The following PTPN4 variants were observed in gnomAD, a reference collection of about 807,000 sequenced individuals.
PTPN4 encodes the protein tyrosine-protein phosphatase non-receptor type 4.
PTPN4 carries 49 observed loss-of-function variants against 135.5 expected under a neutral mutation model. The ratio of observed to expected loss-of-function variants is 0.36; its 90% confidence interval spans 0.29 to 0.46. The LOEUF is 0.46. PTPN4 is among the 20% of genes least tolerant of loss of function. The pLI is 1.00. For missense variants in PTPN4, 860 were observed against 1,101.0 expected, an observed-to-expected ratio of 0.78 and a Z score of 3.10; for synonymous variants, 333 against 369.9, an observed-to-expected ratio of 0.90 and a Z score of 1.14.
intron 10 of PTPN4, among the ~76,000 whole-genome samples, chr2:119,904,905 C>T (rs1678462639): frequency 2.0e-5 from 3 of 151,426 alleles, no homozygotes; most frequent in Admixed American, 6.6e-5. Flanking sequence ...TAAGGGAGTC[C>T]CTACATCTGG....
chr2:119,773,023 C>A (rs1690762173), intron 1 of PTPN4, among the ~76,000 whole-genome samples: 1 of 152,110 alleles, frequency 6.6e-6, no homozygotes. Flanking sequence ...AGAACTGAAC[C>A]ACCAACTTCC....
At chr2:119,862,245 G>A (rs1677771710) in intron 2 of PTPN4, among the ~76,000 whole-genome samples, 1 of 152,126 alleles carries the variant, frequency 6.6e-6, no homozygotes, top group Non-Finnish European at 1.5e-5. Flanking sequence ...TTCTAAAAGT[G>A]CTGTGTCACA....
intron 19 of PTPN4, among the ~76,000 whole-genome samples, chr2:119,953,299 A>G (rs146186070): frequency 0.012 from 1,810 of 152,302 alleles, 17 homozygotes; most frequent in Non-Finnish European, 0.017. Flanking sequence ...TTCGAATTCT[A>G]CTTGTCACCA....
rs902524480 is a variant in PTPN4 at position 119,977,877 on chromosome 2, T to C, written c.*807T>C. The C allele has an allele frequency of 2.0e-5, 3 of 152,156 alleles. No individual in the cohort carries two copies. The highest frequency in any genetic ancestry group is 2.9e-5 in the Non-Finnish European group (2 of 68,004). The allele number at this position is 152,156 out of a possible 1,614,324, so 9.4% of individuals were successfully genotyped here. Reference sequence around the variant, plus strand: ...CGAAAAGGCACTCATTTGACCCCACTAGGAGGTATATATGTATATTGTACA... The same window carrying C: ...CGAAAAGGCACTCATTTGACCCCACCAGGAGGTATATATGTATATTGTACA... On this transcript the variant is annotated 3_prime_UTR_variant, in exon 27 of 27. Transcript: ENST00000263708.
At chr2:119,879,603 T>C (rs1678040669) in intron 5 of PTPN4, among the ~76,000 whole-genome samples, 1 of 152,228 alleles carries the variant, frequency 6.6e-6, no homozygotes, top group Non-Finnish European at 1.5e-5. Context: ...AGATGGGACC[T>C]GAGCATAGGC....
At chr2:119,853,765 T>C (rs976365966) in intron 2 of PTPN4, among the ~76,000 whole-genome samples, 2 of 152,224 alleles carry the variant, frequency 1.3e-5, no homozygotes, top group Non-Finnish European at 2.9e-5. Context: ...ATTTCATTAC[T>C]CTTTCTTCTT....
intron 2 of PTPN4, among the ~76,000 whole-genome samples, chr2:119,816,757 A>G (rs1363207797): frequency 6.6e-6 from 1 of 152,182 alleles, no homozygotes; most frequent in African/African-American, 2.4e-5. Flanking sequence ...TTCAGAAAAC[A>G]CTGCTTCATA....
Position 119,978,333 on chromosome 2 carries a change from A to C in PTPN4, c.*1263A>C, listed in dbSNP as rs1405106597. ...TTTCAGTTAATATCAAGCTTTGTTC[A>C]CACTGATATATTGATTGGGATTCTT... On this transcript the variant is annotated 3_prime_UTR_variant, in exon 27 of 27. Transcript: ENST00000263708. 6.6e-6 allele frequency: 1 copy of C among 152,178 alleles called. No homozygotes were observed. The highest frequency in any genetic ancestry group is 1.5e-5 in the Non-Finnish European group (1 of 68,018). 9.4% of individuals were successfully genotyped at this position (152,178 alleles called of 1,614,324 possible).
At chr2:119,940,419 T>C (rs1679043701) in intron 15 of PTPN4, among the ~76,000 whole-genome samples, 1 of 152,230 alleles carries the variant, frequency 6.6e-6, no homozygotes, top group Non-Finnish European at 1.5e-5. Context: ...TATAGTTAAA[T>C]AAGACATGTT....
At chr2:119,946,702 C>A in intron 18 of PTPN4, 128 bp downstream of exon 18, 1 of 756,490 alleles carries the variant, frequency 1.3e-6, no homozygotes, top group Non-Finnish European at 2.1e-6. Context: ...CAAATGTTGG[C>A]TGAATCTCTT....
intron 1 of PTPN4, among the ~76,000 whole-genome samples, chr2:119,765,475 G>A (rs896958882): frequency 1.3e-5 from 2 of 151,918 alleles, no homozygotes; most frequent in African/African-American, 2.4e-5. Flanking sequence ...TTCTTGTTTT[G>A]GGAAGAAAAA....
Position 119,926,997 on chromosome 2 carries a change from T to C in PTPN4, c.1070+331T>C, listed in dbSNP as rs1324053935. Among the ~76,000 whole-genome samples the C allele has an allele frequency of 2.6e-5, 4 of 152,114 alleles. No homozygotes were observed. In the South Asian group the frequency reaches 8.3e-4, roughly 32 times the overall value. ...AAATATAGTGACTTATTTCATGTTA[T>C]CAAGCCATTTCCATATTTATTTAAA... On this transcript the variant is annotated intron_variant, in intron 13 of 26. Coordinates refer to ENST00000263708, the MANE Select transcript of PTPN4 (RefSeq NM_002830.4).
intron 10 of PTPN4, among the ~76,000 whole-genome samples, chr2:119,910,046 T>A (rs1344998723): frequency 6.6e-6 from 1 of 152,084 alleles, no homozygotes; most frequent in African/African-American, 2.4e-5. Flanking sequence ...CAACAAAGAA[T>A]ATAGACTATT....
At chr2:119,801,825 T>A (rs1691377532) in intron 1 of PTPN4, among the ~76,000 whole-genome samples, 1 of 152,100 alleles carries the variant, frequency 6.6e-6, no homozygotes, top group African/African-American at 2.4e-5. Flanking sequence ...TGTAAAATTA[T>A]TTCATCTGCA....
chr2:119,887,237 C>T (rs867406590), intron 9 of PTPN4, among the ~76,000 whole-genome samples: 4 of 152,024 alleles, frequency 2.6e-5, no homozygotes, highest in East Asian at 1.9e-4. Flanking sequence ...GCCTATAATC[C>T]GAACACCTTG....
At chr2:119,873,588 G>A (rs1245686628) in intron 3 of PTPN4, among the ~76,000 whole-genome samples, 2 of 152,132 alleles carry the variant, frequency 1.3e-5, no homozygotes, top group Non-Finnish European at 2.9e-5. Context: ...TAATCGCTTT[G>A]AAAGGTTTGA....
At chr2:119,846,848 G>C (rs559638540) in intron 2 of PTPN4, among the ~76,000 whole-genome samples, 3 of 151,300 alleles carry the variant, frequency 2.0e-5, no homozygotes, top group Non-Finnish European at 4.4e-5. Context: ...CTTAATTACA[G>C]TGAGATATAG....
chr2:119,885,052 A>G (rs554565196), intron 8 of PTPN4, among the ~76,000 whole-genome samples: 1 of 152,334 alleles, frequency 6.6e-6, no homozygotes, highest in East Asian at 1.9e-4. Flanking sequence ...ATCACTTGGT[A>G]TTCTTGTTAA....
At chr2:119,845,472 A>G (rs968104873) in intron 2 of PTPN4, among the ~76,000 whole-genome samples, 1 of 151,970 alleles carries the variant, frequency 6.6e-6, no homozygotes, top group Non-Finnish European at 1.5e-5. Context: ...CTTTCTGGCA[A>G]TTTGTCCATT....
Sources: allele counts gnomAD v4.1 joint callset (sites outside exome capture counted in the v4.1 genomes callset), GRCh38; gene constraint gnomAD v4.1.1; transcripts MANE v1.5; gene names NCBI Gene and HGNC (gene_info 2026-07-23, HGNC 2026-07-21).